The following CNOT10 variants were observed in gnomAD, a reference collection of about 807,000 sequenced individuals.
CNOT10 encodes the protein CCR4-NOT transcription complex subunit 10.
CNOT10 carries 30 observed loss-of-function variants against 94.6 expected under a neutral mutation model. The ratio of observed to expected loss-of-function variants is 0.32; its 90% confidence interval spans 0.24 to 0.43. The LOEUF is 0.43. Among genes scored for constraint, CNOT10 ranks in the 20% least tolerant of loss-of-function variants. The pLI, the probability that CNOT10 is intolerant of heterozygous loss-of-function variation, is 1.00. For synonymous variants in CNOT10, 289 were observed against 301.6 expected (o/e 0.96, Z 0.43); for missense variants, 759 against 877.2 (o/e 0.87, Z 1.70).
intron 1 of CNOT10, among the ~76,000 whole-genome samples, chr3:32,686,071 C>T (rs755062014): frequency 1.1e-4 from 17 of 152,134 alleles, no homozygotes; most frequent in Admixed American, 9.8e-4. Context: ...GGCATAAAAT[C>T]CTATTGTCTC....
chr3:32,704,315 T>C (rs1001732035), intron 2 of CNOT10, among the ~76,000 whole-genome samples: 1 of 152,180 alleles, frequency 6.6e-6, no homozygotes, highest in East Asian at 1.9e-4. Context: ...CAAAAATTAT[T>C]TTCTTGAAGG....
At chr3:32,729,146 C>G (rs1486894591) in intron 10 of CNOT10, among the ~76,000 whole-genome samples, 2 of 152,120 alleles carry the variant, frequency 1.3e-5, no homozygotes, top group Admixed American at 6.6e-5. Flanking sequence ...AGCTGGATTT[C>G]CATCAATGCC....
intron 1 of CNOT10, among the ~76,000 whole-genome samples, chr3:32,695,984 T>A (rs1430576623): frequency 4.7e-5 from 5 of 107,140 alleles, no homozygotes; most frequent in Non-Finnish European, 9.0e-5. Flanking sequence ...TGTGTGTGTG[T>A]GTGTGTGTGT....
intron 13 of CNOT10, among the ~76,000 whole-genome samples, chr3:32,749,123 A>G (rs1699847231): frequency 6.8e-6 from 1 of 147,756 alleles, no homozygotes; most frequent in African/African-American, 2.5e-5. Flanking sequence ...CATCCGGCCA[A>G]GAGTTCTTTA....
At chr3:32,695,486 C>T in intron 1 of CNOT10, 2 of 1,281,298 alleles carry the variant, frequency 1.6e-6, no homozygotes, top group East Asian at 5.1e-5. Flanking sequence ...CTTGTAGTCT[C>T]CACCAATCAG....
intron 13 of CNOT10, among the ~76,000 whole-genome samples, chr3:32,754,723 T>C (rs942433379): frequency 6.8e-6 from 1 of 147,762 alleles, no homozygotes; most frequent in Non-Finnish European, 1.5e-5. Flanking sequence ...GGTTTCGCCA[T>C]GTTAGTCAGG....
At chr3:32,770,617 A>T (rs1165126153) in intron 18 of CNOT10, among the ~76,000 whole-genome samples, 1 of 150,586 alleles carries the variant, frequency 6.6e-6, no homozygotes, top group African/African-American at 2.4e-5. Flanking sequence ...GAGCCACCGC[A>T]CCCGGCAAGG....
At chr3:32,703,175 T>C (rs1002688834) in intron 1 of CNOT10, among the ~76,000 whole-genome samples, 1 of 151,588 alleles carries the variant, frequency 6.6e-6, no homozygotes, top group African/African-American at 2.4e-5. Context: ...GTGCCCGCCT[T>C]GGCCTCCCAA....
chr3:32,687,439 G>GTTTTTTTTTTTTTTTTTTTTTTTTTTTTT (rs201119069), intron 1 of CNOT10, among the ~76,000 whole-genome samples: 1 of 51,320 alleles, frequency 1.9e-5, no homozygotes, highest in Non-Finnish European at 3.4e-5. Flanking sequence ...AGTCCTCACG[G>GTTTTTTTTTTTTTTTTTTTTTTTTTTTTT]TTTTTTTTTT....
chr3:32,723,922 A>G lies in CNOT10; in HGVS notation c.863-1528A>G, dbSNP rs1468830718. Reference sequence around the variant, plus strand: ...ACAGGGACCCTGTCTCTGCAAAAAAATTAAAAAATTAGCTGGGCATGGTGG... The same window carrying G: ...ACAGGGACCCTGTCTCTGCAAAAAAGTTAAAAAATTAGCTGGGCATGGTGG... On this transcript the variant is annotated intron_variant, in intron 8 of 18. Coordinates refer to ENST00000328834, the MANE Select transcript of CNOT10 (RefSeq NM_015442.3). 2.0e-5 allele frequency among the ~76,000 whole-genome samples: 3 copies of G among 152,206 alleles called. No homozygotes were observed. The East Asian group carries it at 5.8e-4, about 29-fold the overall frequency.
intron 13 of CNOT10, among the ~76,000 whole-genome samples, chr3:32,740,501 T>G (rs1450092103): frequency 6.6e-6 from 1 of 152,106 alleles, no homozygotes; most frequent in Non-Finnish European, 1.5e-5. Flanking sequence ...TTGACATTGA[T>G]ACAGTAAAGA....
In CNOT10 at chr3:32,773,610, G is replaced by A. The variant is rs914175064; in HGVS notation, c.2234G>A (p.Ter745=). Residue 745 remains the stop codon, a stop_retained_variant, in exon 19 of 19, where the codon TGA becomes TAA. Coordinates refer to ENST00000328834, the MANE Select transcript of CNOT10 (RefSeq NM_015442.3). ...MPAFTTVQRK[*] is the part of the protein sequence containing the mutation. ...GCTTTCACCACTGTGCAGAGAAAGT[G>A]ATACTTCACTTTTGGAAAACTGTTA... 3.7e-6 allele frequency: 6 copies of A among 1,604,632 alleles called. No homozygotes were observed. The highest frequency in any genetic ancestry group is 4.3e-6 in the Non-Finnish European group (5 of 1,176,398).
chr3:32,768,698 G>A (rs887782595), intron 17 of CNOT10, among the ~76,000 whole-genome samples: 2 of 152,188 alleles, frequency 1.3e-5, no homozygotes, highest in Non-Finnish European at 2.9e-5. Flanking sequence ...TTATACCTCA[G>A]TGTTGTGGCG....
intron 10 of CNOT10, among the ~76,000 whole-genome samples, chr3:32,733,222 A>G (rs1003465464): frequency 6.6e-6 from 1 of 152,178 alleles, no homozygotes; most frequent in Non-Finnish European, 1.5e-5. Flanking sequence ...ATGTAAACAA[A>G]ATGTAGCACA....
chr3:32,773,346 TG>T lies in CNOT10; in HGVS notation c.2081-110del. 5.3e-6 allele frequency: 6 copies of T among 1,121,664 alleles called. 1 individual carries two copies. In the South Asian group the frequency reaches 9.9e-5, roughly 19 times the overall value. The allele number at this position is 1,121,664 out of a possible 1,614,324, so 69.5% of individuals were successfully genotyped here. Reference sequence around the variant, plus strand: ...TCCAGTATACAGCCAAGGCTGCAGATGACAGCTCTTCTAGATCATCTTTTAC... The same window carrying T: ...TCCAGTATACAGCCAAGGCTGCAGATACAGCTCTTCTAGATCATCTTTTAC... On this transcript the variant is annotated intron_variant, in intron 18 of 18. Transcript: ENST00000328834.
rs900511212 is a variant in CNOT10 at position 32,716,108 on chromosome 3, A to C, written c.574-117A>C. Reference sequence around the variant, plus strand: ...AGGCATGAACCACCATTTCCCACAAATTCTACATTTTGAAAATGCTCTCTA... The same window carrying C: ...AGGCATGAACCACCATTTCCCACAACTTCTACATTTTGAAAATGCTCTCTA... On this transcript the variant is annotated intron_variant, in intron 5 of 18. Transcript: ENST00000328834. The C allele has an allele frequency of 3.2e-5, 17 of 533,952 alleles. 1 individual carries two copies. The South Asian group carries it at 6.3e-4, about 20-fold the overall frequency. 33.1% of individuals were successfully genotyped at this position (533,952 alleles called of 1,614,324 possible).
At chr3:32,717,316 T>G in intron 7 of CNOT10, 79 bp downstream of exon 7, 1 of 859,866 alleles carries the variant, frequency 1.2e-6, no homozygotes, top group South Asian at 1.7e-5. Context: ...TTTAAATAAT[T>G]TATCTTAGTC....
intron 5 of CNOT10, among the ~76,000 whole-genome samples, chr3:32,713,712 T>G (rs1413804592): frequency 4.6e-5 from 7 of 152,222 alleles, no homozygotes; most frequent in Non-Finnish European, 1.0e-4. Context: ...GTCTCTGAAT[T>G]TACTGTCTGG....
At chr3:32,703,996 G>T in intron 2 of CNOT10, 34 bp downstream of exon 2, 1 of 1,329,310 alleles carries the variant, frequency 7.5e-7, no homozygotes, top group Non-Finnish European at 1.1e-6. Flanking sequence ...TGCTCAAGTT[G>T]TAGGGTTCTG....
Sources: allele counts gnomAD v4.1 joint callset (sites outside exome capture counted in the v4.1 genomes callset), GRCh38; gene constraint gnomAD v4.1.1; transcripts MANE v1.5; gene names NCBI Gene and HGNC (gene_info 2026-07-23, HGNC 2026-07-21).